Variants in DHX37 observed in about 807,000 individuals in gnomAD.
The protein encoded by DHX37 is DEAH-box helicase 37.
Under a neutral mutation model 134.3 loss-of-function variants are expected in DHX37, and 52 were observed. The observed-to-expected ratio is 0.39, with a 90% CI of 0.31 to 0.49. The LOEUF (loss-of-function observed/expected upper bound fraction) is 0.49, where lower values mean the gene tolerates loss of function less well. Among genes scored for constraint, DHX37 ranks in the 20% least tolerant of loss-of-function variants. The pLI is 0.93. For missense variants in DHX37, 1,344 were observed against 1,580.8 expected (o/e 0.85, Z 2.54); for synonymous variants, 634 against 670.7 (o/e 0.95, Z 0.85).
intron 16 of DHX37, among the ~76,000 whole-genome samples, chr12:124,959,127 G>A (rs1166177777): frequency 2.7e-5 from 4 of 147,484 alleles, no homozygotes; most frequent in Non-Finnish European, 5.9e-5. Flanking sequence ...AGGCTGGAGT[G>A]CAATGGCACA....
In DHX37 at chr12:124,975,510, C is replaced by G. The variant is rs751487346; in HGVS notation, c.889G>C (p.Glu297Gln). The G allele has an allele frequency of 1.5e-5, 24 of 1,612,148 alleles. No individual in the cohort carries two copies. The South Asian group carries it at 2.5e-4, about 17-fold the overall frequency. The change falls in exon 6 of 27, where the codon GAA becomes CAA. Residue 297 changes from glutamate to glutamine, a missense_variant and splice_region_variant. Physicochemically the swap from Glu to Gln is conservative, Grantham distance 29. This residue lies in a region of DHX37 where 77 missense variants were observed against 121.6 expected (regional missense o/e 0.63). Coordinates refer to ENST00000308736, the MANE Select transcript of DHX37 (RefSeq NM_032656.4). ...QFLYEAGFSS[E>Q]DSIIGVTEPR... ...TCCGTGACACCGATGATGCTGTCTT[C>G]ACTGGGGGAGGAAGAACATGGCCAT... is the stretch of plus-strand genomic sequence containing the variant.
chr12:124,982,004 T>C (rs1018175561), intron 3 of DHX37, among the ~76,000 whole-genome samples: 1 of 151,522 alleles, frequency 6.6e-6, no homozygotes, highest in Admixed American at 6.6e-5. Flanking sequence ...ATGCCTGTAA[T>C]CCCAGCTACT....
intron 2 of DHX37, among the ~76,000 whole-genome samples, chr12:124,984,463 G>C (rs909347464): frequency 2.0e-5 from 3 of 152,110 alleles, no homozygotes; most frequent in African/African-American, 7.2e-5. Context: ...AACCCGGGAG[G>C]TGGAGGTTGC....
intron 8 of DHX37, 87 bp from the exon 9 acceptor site, chr12:124,969,055 C>T (rs1566341538): frequency 2.3e-6 from 3 of 1,306,658 alleles, no homozygotes; most frequent in Non-Finnish European, 3.2e-6. Flanking sequence ...TGCCCTGCTG[C>T]CCACCCCGTT....
chr12:124,959,706 A>G (rs75014698), intron 16 of DHX37, among the ~76,000 whole-genome samples: 207 of 152,366 alleles, frequency 1.4e-3, no homozygotes, highest in African/African-American at 4.8e-3. Flanking sequence ...GATGATCTCA[A>G]GTATCTGAAG....
At chr12:124,986,631 A>G (rs1404945472) in intron 1 of DHX37, among the ~76,000 whole-genome samples, 1 of 151,894 alleles carries the variant, frequency 6.6e-6, no homozygotes, top group Admixed American at 6.6e-5. Flanking sequence ...GAATCTCTTG[A>G]AACTGGGAGG....
At chr12:124,977,598 T>C (rs150059056) in intron 4 of DHX37, 108 bp from the exon 5 acceptor site, 444 of 1,311,428 alleles carry the variant, frequency 3.4e-4, no homozygotes, top group Middle Eastern at 1.4e-3. Flanking sequence ...ATGTGCCTGC[T>C]GGGGAACAGA....
intron 7 of DHX37, among the ~76,000 whole-genome samples, 193 bp downstream of exon 7, chr12:124,972,310 A>G (rs1954539091): frequency 6.6e-6 from 1 of 152,254 alleles, no homozygotes; most frequent in African/African-American, 2.4e-5. Context: ...TGATTCTCTA[A>G]GGAATGCACC....
At position 124,980,776 on chromosome 12, in the gene DHX37, C is replaced by A; in HGVS notation, c.452G>T (p.Arg151Leu). 6.4e-7 allele frequency: 1 copy of A among 1,556,736 alleles called. No homozygotes were observed. The highest frequency in any genetic ancestry group is 8.7e-7 in the Non-Finnish European group (1 of 1,153,114). Residue 151 changes from arginine to leucine, a missense_variant, in exon 4 of 27, where the codon CGG becomes CTG. Arg to Leu is a moderately radical substitution (Grantham distance 102). Coordinates refer to ENST00000308736, the MANE Select transcript of DHX37 (RefSeq NM_032656.4). This position sits in a 1 kb window ranked among gnomAD's most constrained non-coding sequence, Gnocchi z 5.3. ...EKISSLSGAHRKRRRWPSAEE... is the reference protein window; with the variant it reads ...EKISSLSGAHLKRRRWPSAEE... The stretch of plus-strand genomic sequence containing the variant: ...AGCTGAGGGCCAGCGGCGACGCTTC[C>A]GGTGGGCACCGCTGAGGCTACTGAT...
At chr12:124,963,428 G>A (rs1954309067) in intron 15 of DHX37, among the ~76,000 whole-genome samples, 1 of 152,182 alleles carries the variant, frequency 6.6e-6, no homozygotes, top group Non-Finnish European at 1.5e-5. Flanking sequence ...GACATTGATT[G>A]TGGTGATGGT....
intron 18 of DHX37, among the ~76,000 whole-genome samples, chr12:124,955,520 G>A (rs1954074753): frequency 1.3e-5 from 2 of 152,238 alleles, no homozygotes; most frequent in Admixed American, 1.3e-4. Flanking sequence ...ATGTTGGCCA[G>A]GCTGGTCTCA....
In DHX37 at chr12:124,954,162, G is replaced by A. The variant is rs1415899059; in HGVS notation, c.2503C>T (p.Arg835Trp). Residue 835 changes from arginine (R) to tryptophan (W), a missense_variant, in exon 19 of 27, where the codon CGG becomes TGG. Physicochemically the swap from Arg to Trp is moderately radical, Grantham distance 101. This residue lies in a region of DHX37 where 558 missense variants were observed against 650.0 expected (regional missense o/e 0.86). Coordinates refer to ENST00000308736, the MANE Select transcript of DHX37 (RefSeq NM_032656.4). ...ELTRLKSKRA[R>W]VAQMKRTWAG... is the part of the protein sequence containing the mutation. Reference sequence around the variant, plus strand: ...CAGGTCCTCTTCATCTGGGCCACCCGGGCCCGCTTGCTCTTCAGCCTGGTG... The same window carrying A: ...CAGGTCCTCTTCATCTGGGCCACCCAGGCCCGCTTGCTCTTCAGCCTGGTG... 9.9e-6 allele frequency: 16 copies of A among 1,611,910 alleles called. No homozygotes were observed. Among genetic ancestry groups the A allele is most frequent in the South Asian group, 2.2e-5 (2 of 90,790 alleles).
chr12:124,950,207 T>A lies in DHX37; in HGVS notation c.3158A>T (p.Asp1053Val), dbSNP rs767836992. Residue 1053 changes from aspartate (D) to valine (V), a missense_variant, in exon 24 of 27, where the codon GAT becomes GTT. Transcript: ENST00000308736. ...GTAGCGGTCAATCCCCTCTGGAAAA[T>A]CCACCTCGATGGCGGGGAGCGGCCA... ...VGWPLPAIEVDFPEGIDRYKH... is the reference protein window; with the variant it reads ...VGWPLPAIEVVFPEGIDRYKH... 17 of 1,613,788 alleles carry A rather than the reference T, an allele frequency of 1.1e-5. No homozygotes were observed. Among genetic ancestry groups the A allele is most frequent in the Non-Finnish European group, 1.4e-5 (16 of 1,180,006 alleles).
intron 18 of DHX37, 23 bp from the exon 19 acceptor site, chr12:124,954,234 T>A: frequency 1.3e-6 from 2 of 1,546,742 alleles, no homozygotes; most frequent in Non-Finnish European, 1.7e-6. Context: ...ATACATACTG[T>A]CTGGGCTGGG....
intron 16 of DHX37, 82 bp from the exon 17 acceptor site, chr12:124,957,217 T>C: frequency 7.8e-7 from 1 of 1,281,434 alleles, no homozygotes; most frequent in Non-Finnish European, 1.0e-6. Flanking sequence ...TGGCAGGCAC[T>C]CCCTCCAACC....
chr12:124,975,496 G>A lies in DHX37; in HGVS notation c.903C>T (p.Ile301=), dbSNP rs371192719. 70 of 1,612,506 alleles carry A rather than the reference G, an allele frequency of 4.3e-5. 2 individuals are homozygous for A. The highest frequency in any genetic ancestry group is 3.4e-4 in the South Asian group (31 of 91,086). The part of the protein sequence containing the change: ...EAGFSSEDSI[I]GVTEPRRVAA... The stretch of plus-strand genomic sequence containing the variant: ...CCACTCGGCGGGGCTCCGTGACACC[G>A]ATGATGCTGTCTTCACTGGGGGAGG... The change falls in exon 6 of 27, where the codon ATC becomes ATT. Residue 301 remains isoleucine, a synonymous_variant. Transcript: ENST00000308736.
rs1954107229 is a variant in DHX37, at chr12:124,956,842, T to C, written c.2302A>G (p.Ile768Val). 6.2e-7 allele frequency: 1 copy of C among 1,605,082 alleles called. No individual in the cohort carries two copies. The highest frequency in any genetic ancestry group is 1.3e-5 in the African/African-American group (1 of 74,500). Residue 768 changes from isoleucine to valine, a missense_variant, in exon 18 of 27, where the codon ATC (isoleucine) becomes GTC (valine). This residue lies in a region of DHX37 where 558 missense variants were observed against 650.0 expected (regional missense o/e 0.86). Coordinates refer to ENST00000308736, the MANE Select transcript of DHX37 (RefSeq NM_032656.4). ...QLQENRLSCP[I>V]TALGRTMATF... ...GCCATTGTCCGGCCCAGCGCAGTGATGGGGCAGCTCAGCCGGTTCTCCTGC... is the reference window on the plus strand; with the variant it reads ...GCCATTGTCCGGCCCAGCGCAGTGACGGGGCAGCTCAGCCGGTTCTCCTGC...
At chr12:124,959,159 C>T (rs1216004277) in intron 16 of DHX37, among the ~76,000 whole-genome samples, 1 of 151,366 alleles carries the variant, frequency 6.6e-6, no homozygotes, top group Non-Finnish European at 1.5e-5. Context: ...TTGCAACCTC[C>T]GCCTCCCGGG....
intron 9 of DHX37, 85 bp downstream of exon 9, chr12:124,968,782 C>A: frequency 6.3e-7 from 1 of 1,597,054 alleles, no homozygotes; most frequent in Non-Finnish European, 8.5e-7. Flanking sequence ...CCCCCTGTGA[C>A]CAAGTGAGGT....
Sources: gnomAD v4.1 joint callset for allele counts (sites outside exome capture counted in the v4.1 genomes callset) on GRCh38, gnomAD v4.1.1 for gene constraint, gnomAD v4.1.1 regional missense constraint, Gnocchi (gnomAD v3.1) non-coding constraint, MANE v1.5 for transcripts, NCBI Gene and HGNC (gene_info 2026-07-23, HGNC 2026-07-21) for gene names.